The following ATP2B3 variants were observed in gnomAD, a reference collection of about 807,000 sequenced individuals.
ATP2B3 encodes the protein plasma membrane calcium-transporting ATPase 3.
Under a neutral mutation model 70.8 loss-of-function variants are expected in ATP2B3, and 12 were observed. The ratio of observed to expected loss-of-function variants is 0.17; its 90% confidence interval spans 0.11 to 0.27. ATP2B3 has a LOEUF of 0.27. Ranked by LOEUF, ATP2B3 falls within the 10% of genes least tolerant of loss-of-function variation. The pLI, the probability that ATP2B3 is intolerant of heterozygous loss-of-function variation, is 1.00. For missense variants in ATP2B3, 858 were observed against 1,118.5 expected, an observed-to-expected ratio of 0.77 and a Z score of 3.32; for synonymous variants, 460 against 497.8, an observed-to-expected ratio of 0.92 and a Z score of 1.01.
intron 13 of ATP2B3, among the ~76,000 whole-genome samples, chrX:153,553,778 G>A (rs183633173): frequency 5.2e-4 from 59 of 113,421 alleles, no homozygotes; most frequent in Admixed American, 3.2e-3. Context: ...CTCGAGGGCC[G>A]CGTGGCAGAT....
rs1018281898 is a variant in ATP2B3, at chrX:153,580,414, A to G, written c.*116A>G. On this transcript the variant is annotated 3_prime_UTR_variant, in exon 22 of 22. Coordinates refer to ENST00000263519, the MANE Select transcript of ATP2B3 (RefSeq NM_001001344.3). Reference sequence around the variant, plus strand: ...TGCACACCTGCAAAACGAGGGAACAACTAAGGTGGCTGAAGACCTTTCTGG... The same window carrying G: ...TGCACACCTGCAAAACGAGGGAACAGCTAAGGTGGCTGAAGACCTTTCTGG... The G allele has an allele frequency of 2.1e-4, 165 of 787,397 alleles. No homozygotes were observed. Among genetic ancestry groups the G allele is most frequent in the Middle Eastern group, 3.6e-4 (1 of 2,798 alleles). 64.9% of individuals were successfully genotyped at this position (787,397 alleles called of 1,213,427 possible).
chrX:153,559,672 A>G, intron 17 of ATP2B3, 57 bp from the exon 18 acceptor site: 1 of 1,120,005 alleles, frequency 8.9e-7, no homozygotes, highest in South Asian at 1.9e-5. Flanking sequence ...CTGGGTTTCC[A>G]CCCCCAACCT....
At chrX:153,547,496 C>T (rs180814690) in intron 8 of ATP2B3, among the ~76,000 whole-genome samples, 505 of 111,330 alleles carry the variant, frequency 4.5e-3, no homozygotes, top group Non-Finnish European at 8.1e-3. Context: ...GAAGATTCCT[C>T]GGGCCACAGG....
At chrX:153,554,095 C>A (rs1445993145) in intron 13 of ATP2B3, among the ~76,000 whole-genome samples, 1 of 113,845 alleles carries the variant, frequency 8.8e-6, no homozygotes, top group Non-Finnish European at 1.9e-5. Flanking sequence ...AAAGACAGTG[C>A]GTCTAAACGC....
At chrX:153,574,909 TC>T (rs1200775530) in intron 21 of ATP2B3, 1 of 325,493 alleles carries the variant, frequency 3.1e-6, no homozygotes, top group Non-Finnish European at 6.0e-6. Flanking sequence ...GTCTGCAGCG[TC>T]ACCCGCCCTG....
intron 21 of ATP2B3, among the ~76,000 whole-genome samples, chrX:153,571,014 A>G (rs1342234949): frequency 2.2e-4 from 24 of 107,201 alleles, no homozygotes; most frequent in African/African-American, 7.8e-4. Context: ...ACACACACAC[A>G]CACACACACA....
chrX:153,553,246 A>G lies in ATP2B3; in HGVS notation c.2035A>G (p.Ile679Val). ...CCTCACCTGCATAGCTGTCGTGGGC[A>G]TTGAGGACCCTGTGCGGCCCGAGGT... ...GDLTCIAVVGIEDPVRPEVPE... is the reference protein window; with the variant it reads ...GDLTCIAVVGVEDPVRPEVPE... The change falls in exon 13 of 22, where the codon ATT becomes GTT. Residue 679 changes from isoleucine to valine, a missense_variant. Ile to Val is a conservative substitution (Grantham distance 29). Coordinates refer to ENST00000263519, the MANE Select transcript of ATP2B3 (RefSeq NM_001001344.3). 2 of 1,207,094 alleles carry G rather than the reference A, an allele frequency of 1.7e-6. No individual in the cohort carries two copies. The highest frequency in any genetic ancestry group is 2.2e-6 in the Non-Finnish European group (2 of 892,007).
chrX:153,546,018 C>A (rs991142655), intron 7 of ATP2B3, 70 bp from the exon 8 acceptor site: 9 of 1,155,809 alleles, frequency 7.8e-6, no homozygotes, highest in Non-Finnish European at 1.1e-5. Flanking sequence ...TCCTCCCCAC[C>A]CCCTCTGCCA....
intron 2 of ATP2B3, among the ~76,000 whole-genome samples, chrX:153,528,767 G>A (rs1047855379): frequency 2.1e-4 from 23 of 112,094 alleles, no homozygotes; most frequent in African/African-American, 6.8e-4. Context: ...AGATAGCTGC[G>A]GCCGCACCTG....
chrX:153,519,604 G>A (rs922570979), intron 2 of ATP2B3, among the ~76,000 whole-genome samples: 1 of 112,681 alleles, frequency 8.9e-6, no homozygotes, highest in African/African-American at 3.2e-5. Context: ...AGGGTCCCAG[G>A]GTGAGGTCAG....
At position 153,548,042 on chromosome X, in the gene ATP2B3, C is replaced by T. The variant is rs191669000; in HGVS notation, c.1123+43C>T. Reference sequence around the variant, plus strand: ...TGGTGGGCCCAGGCCATTGACTGGGCGTGGAGGATGCTGGGCTCCTGGAGA... The same window carrying T: ...TGGTGGGCCCAGGCCATTGACTGGGTGTGGAGGATGCTGGGCTCCTGGAGA... On this transcript the variant is annotated intron_variant, in intron 9 of 21. Transcript: ENST00000263519. 2.9e-4 allele frequency: 339 copies of T among 1,158,959 alleles called. 1 individual carries two copies. In the African/African-American group the frequency reaches 3.0e-3, roughly 10 times the overall value.
At chrX:153,557,338 T>C in intron 16 of ATP2B3, among the ~76,000 whole-genome samples, 1 of 112,031 alleles carries the variant, frequency 8.9e-6, no homozygotes, top group Non-Finnish European at 1.9e-5. Context: ...AAATGGACTC[T>C]CAGCCCCAGA....
rs371622141 is a variant in ATP2B3, at chrX:153,580,328, G to A, written c.*30G>A. 47 of 1,162,769 alleles carry A rather than the reference G, an allele frequency of 4.0e-5. No homozygotes were observed. Among genetic ancestry groups the A allele is most frequent in the African/African-American group, 2.5e-4 (14 of 56,573 alleles). ...AACTTGTCTCAGCACATGCGCACAC[G>A]CACACTCGGACTCACACGAAGTCAC... On this transcript the variant is annotated 3_prime_UTR_variant, in exon 22 of 22. Coordinates refer to ENST00000263519, the MANE Select transcript of ATP2B3 (RefSeq NM_001001344.3).
chrX:153,548,209 C>A (rs1194450725), intron 9 of ATP2B3, among the ~76,000 whole-genome samples: 1 of 112,731 alleles, frequency 8.9e-6, no homozygotes, highest in Non-Finnish European at 1.9e-5. Context: ...CCCAAACCCT[C>A]GACGAAAGCC....
At chrX:153,518,323 C>G (rs2089907270) in intron 1 of ATP2B3, among the ~76,000 whole-genome samples, 109 bp from the exon 2 acceptor site, 1 of 112,471 alleles carries the variant, frequency 8.9e-6, no homozygotes, top group East Asian at 2.8e-4. Context: ...CTTCCCGCAC[C>G]GTTCCCCGCA....
chrX:153,530,124 G>A (rs146191082), intron 2 of ATP2B3, among the ~76,000 whole-genome samples: 3,079 of 112,658 alleles, frequency 0.027, 53 homozygotes, highest in Middle Eastern at 0.065. Flanking sequence ...GCTTTCCACA[G>A]TGGCTGCACC....
intron 17 of ATP2B3, 28 bp downstream of exon 17, chrX:153,558,331 G>A: frequency 8.5e-7 from 1 of 1,172,636 alleles, no homozygotes; most frequent in South Asian, 1.9e-5. Context: ...CCATGCCCCA[G>A]CTAGGACACC....
chrX:153,548,602 G>A (rs782715116), intron 9 of ATP2B3, 38 bp from the exon 10 acceptor site: 6 of 1,148,563 alleles, frequency 5.2e-6, no homozygotes, highest in African/African-American at 3.6e-5. Flanking sequence ...TCCCTCACCC[G>A]TGGCAACCCC....
At chrX:153,564,896 G>A (rs782107649) in intron 20 of ATP2B3, 25 bp from the exon 21 acceptor site, 29 of 1,153,778 alleles carry the variant, frequency 2.5e-5, no homozygotes, top group Admixed American at 1.3e-4. Flanking sequence ...TGGCTCTCAC[G>A]GCCACTTCCG....
Sources: gnomAD v4.1 joint callset for allele counts (sites outside exome capture counted in the v4.1 genomes callset) on GRCh38, gnomAD v4.1.1 for gene constraint, MANE v1.5 for transcripts, NCBI Gene and HGNC (gene_info 2026-07-23, HGNC 2026-07-21) for gene names.